Variants in C8orf34 observed in about 807,000 individuals in gnomAD.
The protein encoded by C8orf34 is uncharacterized protein C8orf34.
In C8orf34, 65 loss-of-function variants were observed where a neutral mutation model predicts 68.3. The observed-to-expected ratio is 0.95, with a 90% CI of 0.78 to 1.17. The LOEUF (loss-of-function observed/expected upper bound fraction) is 1.17, where lower values mean the gene tolerates loss of function less well. Ranked by LOEUF, C8orf34 falls within the 50% of genes most tolerant of loss-of-function variation. The pLI, the probability that C8orf34 is intolerant of heterozygous loss-of-function variation, is 0.00. For synonymous variants in C8orf34, 244 were observed against 241.2 expected (o/e 1.01, Z -0.11); for missense variants, 664 against 655.4 (o/e 1.01, Z -0.14).
intron 6 of C8orf34, chr8:68,530,530 G>A: frequency 2.6e-6 from 2 of 757,180 alleles, no homozygotes; most frequent in Non-Finnish European, 1.8e-6. Flanking sequence ...GATTGGTTTT[G>A]TTTACTTCTC....
rs928398437 is a variant in C8orf34 at position 68,330,993 on chromosome 8, C to T, written c.-20C>T. 5 of 1,385,486 alleles carry T rather than the reference C, an allele frequency of 3.6e-6. No homozygotes were observed. The highest frequency in any genetic ancestry group is 3.7e-5 in the Admixed American group (1 of 27,108). The allele number at this position is 1,385,486 out of a possible 1,614,324, so 85.8% of individuals were successfully genotyped here. A position where few individuals can be genotyped will look rare whatever the true frequency, so the allele number is the denominator to read the frequency against. On this transcript the variant is annotated 5_prime_UTR_variant, in exon 1 of 14. Coordinates refer to ENST00000518698, the MANE Select transcript of C8orf34 (RefSeq NM_052958.4). ...CTGCGGAGAGCGGCGAGGGTGGGCG[C>T]GAGGCGGAGAACGCGATGAATGAGT... is the stretch of plus-strand genomic sequence containing the variant.
chr8:68,372,264 A>G (rs1807593055), intron 1 of C8orf34, among the ~76,000 whole-genome samples: 1 of 152,202 alleles, frequency 6.6e-6, no homozygotes, highest in African/African-American at 2.4e-5. Context: ...TGGAAGACTG[A>G]AAAAGCAAAC....
intron 7 of C8orf34, among the ~76,000 whole-genome samples, chr8:68,596,247 C>A (rs181355036): frequency 6.6e-6 from 1 of 152,028 alleles, no homozygotes; most frequent in Non-Finnish European, 1.5e-5. Context: ...GAACCTCTGG[C>A]GGAGTAATGT....
chr8:68,632,995 G>A (rs1563575002), intron 7 of C8orf34, among the ~76,000 whole-genome samples: 1 of 152,162 alleles, frequency 6.6e-6, no homozygotes, highest in Non-Finnish European at 1.5e-5. Context: ...CCAGAAGTTA[G>A]AAAACTGCAG....
At chr8:68,606,747 A>G (rs1817866397) in intron 7 of C8orf34, among the ~76,000 whole-genome samples, 1 of 152,092 alleles carries the variant, frequency 6.6e-6, no homozygotes, top group Admixed American at 6.6e-5. Context: ...GTGGGAGGGC[A>G]GAAAGGGAGT....
At chr8:68,790,911 A>T (rs1424093342) in intron 12 of C8orf34, 1 of 698,148 alleles carries the variant, frequency 1.4e-6, no homozygotes. Context: ...GAACTAGAAG[A>T]AAAATTTCAA....
At chr8:68,724,982 C>G (rs1430307556) in intron 10 of C8orf34, among the ~76,000 whole-genome samples, 1 of 152,068 alleles carries the variant, frequency 6.6e-6, no homozygotes, top group Middle Eastern at 3.2e-3. Context: ...ACCTCAGCAC[C>G]TCAGCCTCCT....
At chr8:68,799,189 C>A (rs76722040) in intron 12 of C8orf34, among the ~76,000 whole-genome samples, 5,821 of 152,170 alleles carry the variant, frequency 0.038, 299 homozygotes, top group African/African-American at 0.11. Context: ...TATAAAGGAG[C>A]GGCACATGTT....
chr8:68,773,145 T>A (rs2129528457), intron 10 of C8orf34, among the ~76,000 whole-genome samples: 1 of 152,262 alleles, frequency 6.6e-6, no homozygotes, highest in Middle Eastern at 3.4e-3. Flanking sequence ...GAAGGGGATT[T>A]TATTTCATTA....
chr8:68,672,064 A>T (rs1372379331), intron 8 of C8orf34, among the ~76,000 whole-genome samples: 1 of 152,218 alleles, frequency 6.6e-6, no homozygotes, highest in African/African-American at 2.4e-5. Context: ...TATGAGAAAT[A>T]CCCAGAGAAA....
chr8:68,632,936 C>T (rs1205335050), intron 7 of C8orf34, among the ~76,000 whole-genome samples: 1 of 152,114 alleles, frequency 6.6e-6, no homozygotes, highest in African/African-American at 2.4e-5. Flanking sequence ...AGGTCAGAGC[C>T]CTCAAGGAGA....
intron 3 of C8orf34, among the ~76,000 whole-genome samples, chr8:68,464,947 A>T (rs1312396581): frequency 6.6e-6 from 1 of 151,476 alleles, no homozygotes; most frequent in Non-Finnish European, 1.5e-5. Context: ...AAAATTGACA[A>T]ATGGGATCTA....
At chr8:68,515,053 A>G (rs1814446888) in intron 5 of C8orf34, among the ~76,000 whole-genome samples, 1 of 152,226 alleles carries the variant, frequency 6.6e-6, no homozygotes. Context: ...TACTAAGTGC[A>G]CATGATAAAA....
At chr8:68,441,407 T>C (rs1474118178) in intron 2 of C8orf34, among the ~76,000 whole-genome samples, 1 of 152,192 alleles carries the variant, frequency 6.6e-6, no homozygotes, top group Non-Finnish European at 1.5e-5. Context: ...GTCTCTCACA[T>C]AGCAGCAGTT....
chr8:68,400,826 T>C (rs1015530700), intron 1 of C8orf34, among the ~76,000 whole-genome samples: 8 of 152,204 alleles, frequency 5.3e-5, no homozygotes, highest in African/African-American at 1.9e-4. Flanking sequence ...TTTGTTCTTT[T>C]TGCTTAGGAT....
intron 7 of C8orf34, chr8:68,535,118 CCA>C (rs1343498336): frequency 2.0e-6 from 2 of 984,294 alleles, no homozygotes; most frequent in Non-Finnish European, 2.4e-6. Context: ...TAAAATAATG[CCA>C]TATTCAATTT....
intron 5 of C8orf34, among the ~76,000 whole-genome samples, chr8:68,515,664 T>A (rs1814479734): frequency 6.6e-6 from 1 of 152,230 alleles, no homozygotes; most frequent in African/African-American, 2.4e-5. Flanking sequence ...ACATTATTCA[T>A]ATTACAGTTT....
At chr8:68,812,572 A>G (rs1027839817) in intron 12 of C8orf34, among the ~76,000 whole-genome samples, 2 of 152,150 alleles carry the variant, frequency 1.3e-5, no homozygotes, top group East Asian at 1.9e-4. Flanking sequence ...ATAAGGCTTT[A>G]TAGTTTATAC....
At chr8:68,641,905 TCATTGGTGG>T (rs1184134566) in intron 8 of C8orf34, among the ~76,000 whole-genome samples, 3 of 152,192 alleles carry the variant, frequency 2.0e-5, no homozygotes, top group Non-Finnish European at 2.9e-5. Flanking sequence ...AACGGAATAA[TCATTGGTGG>T]CATGTATTAC....
Sources: allele counts gnomAD v4.1 joint callset (sites outside exome capture counted in the v4.1 genomes callset), GRCh38; gene constraint gnomAD v4.1.1; transcripts MANE v1.5; gene names NCBI Gene and HGNC (gene_info 2026-07-23, HGNC 2026-07-21).